The following ELP6 variants were observed in gnomAD, a reference collection of about 807,000 sequenced individuals.
ELP6 encodes the protein elongator acetyltransferase complex subunit 6, also known as elongator complex protein 6.
Under a neutral mutation model 28.1 loss-of-function variants are expected in ELP6, and 23 were observed. The ratio of observed to expected loss-of-function variants is 0.82; its 90% CI spans 0.59 to 1.16. ELP6 has a LOEUF of 1.16. ELP6 is among the 50% of genes most tolerant of loss of function. The pLI, the probability that ELP6 is intolerant of heterozygous loss-of-function variation, is 0.00. For missense variants in ELP6, 313 were observed against 334.6 expected, an observed-to-expected ratio of 0.94 and a Z score of 0.50; for synonymous variants, 132 against 135.8, an observed-to-expected ratio of 0.97 and a Z score of 0.19.
At chr3:47,513,249 C>T (rs1476338038) in intron 1 of ELP6, 1 of 1,276,628 alleles carries the variant, frequency 7.8e-7, no homozygotes, top group East Asian at 3.7e-5. Flanking sequence ...GCCTCGGCCT[C>T]CCAAACTGCT....
rs916574194 is a variant in ELP6 at position 47,499,806 on chromosome 3, TGCTGGGCTGTGGCCCCA to T, written c.526-1391_526-1375del. On this transcript the variant is annotated intron_variant, in intron 5 of 6. Transcript: ENST00000296149. ...GGGGTCTGAGTTGGGGTTCTGTCCCTGCTGGGCTGTGGCCCCAGCTGGACTGCTGCCACAGAACTCAG... is the reference window on the plus strand; with the variant it reads ...GGGGTCTGAGTTGGGGTTCTGTCCCTGCTGGACTGCTGCCACAGAACTCAG... 28 of 1,120,008 alleles carry T rather than the reference TGCTGGGCTGTGGCCCCA, an allele frequency of 2.5e-5. No homozygotes were observed. In the Admixed American group the frequency reaches 1.3e-3, roughly 52 times the overall value. The allele number at this position is 1,120,008 out of a possible 1,614,324, so 69.4% of individuals were successfully genotyped here.
At chr3:47,511,060 CT>C in intron 2 of ELP6, 87 bp downstream of exon 2, 1 of 1,125,234 alleles carries the variant, frequency 8.9e-7, no homozygotes, top group South Asian at 1.3e-5. Context: ...CTTGTAAATG[CT>C]GTTATTGCTT....
At position 47,498,276 on chromosome 3, in the gene ELP6, C is replaced by T. The variant is rs1708537300; in HGVS notation, c.672+10G>A. 2 of 1,612,900 alleles carry T rather than the reference C, an allele frequency of 1.2e-6. No individual in the cohort carries two copies. The highest frequency in any genetic ancestry group is 1.7e-5 in the Admixed American group (1 of 60,010). On this transcript the variant is annotated intron_variant, in intron 6 of 6. Transcript: ENST00000296149. ...GCAAGAAGCCTGTTGCCCAGGAGGC[C>T]CCTGCATACCTGCCCGTGCACATCC...
intron 1 of ELP6, chr3:47,512,914 A>C (rs1439752588): frequency 3.0e-6 from 3 of 985,212 alleles, no homozygotes; most frequent in Non-Finnish European, 3.6e-6. Flanking sequence ...CCCCCACCCC[A>C]GTGAACATGC....
intron 1 of ELP6, chr3:47,511,989 C>T: frequency 2.0e-6 from 2 of 985,040 alleles, no homozygotes; most frequent in Non-Finnish European, 2.4e-6. Context: ...CAGTGTTACC[C>T]CTAGTGCTGT....
At chr3:47,508,311 T>C (rs748371590) in intron 3 of ELP6, among the ~76,000 whole-genome samples, 1 of 152,196 alleles carries the variant, frequency 6.6e-6, no homozygotes, top group Non-Finnish European at 1.5e-5. Context: ...TGGCACGATC[T>C]TGGCTCACTG....
rs1225354827 is a variant in ELP6, at chr3:47,504,239, C to T, written c.323+91G>A. The T allele has an allele frequency of 3.5e-6, 5 of 1,445,332 alleles. No individual in the cohort carries two copies. In the Admixed American group the frequency reaches 1.2e-4, roughly 34 times the overall value. 89.5% of individuals were successfully genotyped at this position (1,445,332 alleles called of 1,614,324 possible). The stretch of plus-strand genomic sequence containing the variant: ...TCCTGAAGCCAGTTCCATCCTCCTG[C>T]ACAATAAGAAGGAATCACACAGCAA... On this transcript the variant is annotated intron_variant, in intron 4 of 6. Transcript: ENST00000296149.
intron 4 of ELP6, chr3:47,502,671 C>T (rs908693977): frequency 5.3e-6 from 3 of 562,688 alleles, no homozygotes; most frequent in East Asian, 1.5e-4. Context: ...TATACCTCTA[C>T]AAAAAAAAAT....
At chr3:47,510,001 C>G in intron 3 of ELP6, 183 bp downstream of exon 3, 1 of 511,002 alleles carries the variant, frequency 2.0e-6, no homozygotes, top group Admixed American at 3.6e-5. Context: ...ACCTCGTGAT[C>G]TGCCCATCTT....
At chr3:47,499,864 G>A (rs565866879) in intron 5 of ELP6, 1 of 1,230,326 alleles carries the variant, frequency 8.1e-7, no homozygotes, top group East Asian at 5.9e-5. Flanking sequence ...AATAACTCCA[G>A]GAGAAGCTGC....
intron 5 of ELP6, chr3:47,500,160 A>G: frequency 8.7e-7 from 1 of 1,148,574 alleles, no homozygotes; most frequent in South Asian, 1.9e-5. Flanking sequence ...GAAAAGAATG[A>G]AGCAGATCCA....
intron 3 of ELP6, among the ~76,000 whole-genome samples, chr3:47,505,405 A>AT (rs1236918508): frequency 4.9e-4 from 75 of 152,090 alleles, no homozygotes; most frequent in Admixed American, 4.9e-3. Flanking sequence ...TTGAAGCTCA[A>AT]TAACTTTTTT....
chr3:47,503,701 G>C (rs1037548751), intron 4 of ELP6, among the ~76,000 whole-genome samples: 3 of 152,002 alleles, frequency 2.0e-5, no homozygotes, highest in East Asian at 1.9e-4. Flanking sequence ...AGGAGATCGA[G>C]ACCATGGTGA....
At chr3:47,512,668 C>A (rs990782730) in intron 1 of ELP6, 4 of 985,320 alleles carry the variant, frequency 4.1e-6, no homozygotes, top group Middle Eastern at 5.2e-4. Context: ...GAGAACAGGC[C>A]AGCCTGGGGT....
At chr3:47,498,746 C>T in intron 5 of ELP6, 2 of 982,922 alleles carry the variant, frequency 2.0e-6, no homozygotes, top group Non-Finnish European at 2.4e-6. Context: ...TCCTGCCAGG[C>T]AACCATTCAT....
intron 4 of ELP6, chr3:47,503,444 A>C: frequency 7.8e-7 from 1 of 1,289,580 alleles, no homozygotes; most frequent in Non-Finnish European, 1.0e-6. Context: ...ATTTTTTCTT[A>C]AATGTCTGAA....
At chr3:47,512,163 G>A in intron 1 of ELP6, 1 of 729,142 alleles carries the variant, frequency 1.4e-6, no homozygotes, top group Non-Finnish European at 1.7e-6. Flanking sequence ...TGGCGCTATG[G>A]GGTCATAAAA....
chr3:47,513,063 T>C, intron 1 of ELP6: 1 of 955,452 alleles, frequency 1.0e-6, no homozygotes. Context: ...AGATCTCGGG[T>C]CACTGCAACC....
intron 2 of ELP6, 63 bp downstream of exon 2, chr3:47,511,085 T>C: frequency 7.2e-7 from 1 of 1,393,780 alleles, no homozygotes. Flanking sequence ...TAAATAGTTT[T>C]GGTTTTTATT....
Sources: allele counts gnomAD v4.1 joint callset (sites outside exome capture counted in the v4.1 genomes callset), GRCh38; gene constraint gnomAD v4.1.1; transcripts MANE v1.5; gene names NCBI Gene and HGNC (gene_info 2026-07-23, HGNC 2026-07-21).